TLN1: variants seen among roughly 807,000 people sequenced by gnomAD.
TLN1 encodes the protein talin-1.
In TLN1, 56 loss-of-function variants were observed where a neutral mutation model predicts 292.3. The ratio of observed to expected loss-of-function variants is 0.19; its 90% CI spans 0.15 to 0.24. The LOEUF is 0.24. Ranked by LOEUF, TLN1 falls within the 10% of genes least tolerant of loss-of-function variation. The probability of loss-of-function intolerance (pLI) is 1.00; values close to 1 mark genes in which losing one functional copy is unlikely to be tolerated. For missense variants in TLN1, 2,433 were observed against 3,248.2 expected, an observed-to-expected ratio of 0.75 and a Z score of 6.10; for synonymous variants, 1,119 against 1,253.7, an observed-to-expected ratio of 0.89 and a Z score of 2.27.
At chr9:35,713,806 A>G in intron 25 of TLN1, 147 bp downstream of exon 25, 1 of 824,088 alleles carries the variant, frequency 1.2e-6, no homozygotes, top group Admixed American at 3.2e-5. Flanking sequence ...GAAAGAAAAA[A>G]GGAAGGAAGA....
Position 35,699,369 on chromosome 9 carries a change from A to G in TLN1, c.6861T>C (p.Ala2287=), listed in dbSNP as rs1825424466. 2 of 1,612,876 alleles carry G rather than the reference A, an allele frequency of 1.2e-6. No individual in the cohort carries two copies. Among genetic ancestry groups the G allele is most frequent in the Non-Finnish European group, 1.7e-6 (2 of 1,179,342 alleles). Residue 2287 remains alanine, a synonymous_variant, in exon 51 of 57, where the codon GCT becomes GCC. Transcript: ENST00000314888. The surrounding 1 kb of genome is among the most constrained non-coding windows in gnomAD (Gnocchi z 4.0). ...AGSVTELIQA[A]EAMKGTEWVD... ...GTCACCCCTCACCCTTCATGGCTTC[A>G]GCAGCCTGGATGAGCTCAGTGACGG...
At position 35,719,953 on chromosome 9, in the gene TLN1, C is replaced by G; in HGVS notation, c.1464+86G>C. ...CTAGGGAGAGAATACAAATAGGGAC[C>G]TGGGAAAAGACTGCCTAACTCCTGG... is the stretch of plus-strand genomic sequence containing the variant. On this transcript the variant is annotated intron_variant, in intron 13 of 56. Transcript: ENST00000314888. The surrounding 1 kb of genome is among the most constrained non-coding windows in gnomAD (Gnocchi z 4.6). 1 of 1,589,548 alleles carries G rather than the reference C, an allele frequency of 6.3e-7. No homozygotes were observed. Among genetic ancestry groups the G allele is most frequent in the South Asian group, 1.1e-5 (1 of 88,930 alleles).
In TLN1 at chr9:35,719,392, C is replaced by G. The variant is rs578084213; in HGVS notation, c.1688-110G>C. 3 of 1,344,652 alleles carry G rather than the reference C, an allele frequency of 2.2e-6. No individual in the cohort carries two copies. The African/African-American group carries it at 4.3e-5, about 19-fold the overall frequency. The allele number at this position is 1,344,652 out of a possible 1,614,324, so 83.3% of individuals were successfully genotyped here. ...AGTCACACACATGTCCACAGAAAGA[C>G]GCACACACACAGTCCCTTCCACAGT... On this transcript the variant is annotated intron_variant, in intron 15 of 56. Coordinates refer to ENST00000314888, the MANE Select transcript of TLN1 (RefSeq NM_006289.4). This position sits in a 1 kb window ranked among gnomAD's most constrained non-coding sequence, Gnocchi z 4.6.
At chr9:35,713,826 A>C in intron 25 of TLN1, 127 bp downstream of exon 25, 1 of 1,016,266 alleles carries the variant, frequency 9.8e-7, no homozygotes, top group Non-Finnish European at 1.4e-6. Flanking sequence ...AAGAAAGAAA[A>C]GAAAAATAAA....
Position 35,712,938 on chromosome 9 carries a change from T to A in TLN1, c.3458A>T (p.Asp1153Val), listed in dbSNP as rs776984443. The A allele has an allele frequency of 1.1e-5, 18 of 1,609,944 alleles. No individual in the cohort carries two copies. In the East Asian group the frequency reaches 3.8e-4, roughly 34 times the overall value. ...CTTGTCCAGCACATCACTGGCCGTA[T>A]CAAGTACAATGGCCTGCACTGCAGG... ...SDPAVQAIVL[D>V]TASDVLDKAS... Residue 1153 changes from aspartate (D) to valine (V), a missense_variant, in exon 27 of 57, where the codon GAT becomes GTT. Physicochemically the swap from Asp to Val is radical, Grantham distance 152. Coordinates refer to ENST00000314888, the MANE Select transcript of TLN1 (RefSeq NM_006289.4).
At chr9:35,723,154 T>A (rs534204134) in intron 7 of TLN1, 3 of 383,340 alleles carry the variant, frequency 7.8e-6, no homozygotes, top group East Asian at 5.8e-5. Flanking sequence ...CAGGCTGGAG[T>A]GCAATGGCAC....
chr9:35,700,411 T>C (rs1825444811), intron 48 of TLN1, 35 bp from the exon 49 acceptor site: 4 of 1,579,222 alleles, frequency 2.5e-6, no homozygotes, highest in Non-Finnish European at 3.5e-6. Flanking sequence ...GATTTTACAG[T>C]GGCTGAGACT....
rs201035238 is a variant in TLN1, at chr9:35,717,342, G to T, written c.2262C>A (p.Ser754=). Residue 754 remains serine, a synonymous_variant, in exon 19 of 57, where the codon TCC becomes TCA. Transcript: ENST00000314888. The surrounding 1 kb of genome is among the most constrained non-coding windows in gnomAD (Gnocchi z 4.7). ...GTTGCCCATCCTCTGTAGCTGCCTG[G>T]GAGGCAGACACACAGCCCTCCACGG... is the stretch of plus-strand genomic sequence containing the variant. The part of the protein sequence containing the change: ...AKAVEGCVSA[S]QAATEDGQLL... 1 of 1,614,134 alleles carries T rather than the reference G, an allele frequency of 6.2e-7. No homozygotes were observed. Among genetic ancestry groups the T allele is most frequent in the South Asian group, 1.1e-5 (1 of 91,088 alleles).
intron 7 of TLN1, 24 bp from the exon 8 acceptor site, chr9:35,722,945 G>GC: frequency 6.2e-7 from 1 of 1,612,076 alleles, no homozygotes; most frequent in Non-Finnish European, 8.5e-7. Flanking sequence ...GGGAGGGTCA[G>GC]CATGTGGTAG....
intron 26 of TLN1, 60 bp from the exon 27 acceptor site, chr9:35,713,103 A>T (rs1046495597): frequency 6.4e-7 from 1 of 1,572,048 alleles, no homozygotes; most frequent in Non-Finnish European, 8.7e-7. Context: ...CCCTGATTCC[A>T]GTGGTTTCGT....
rs772184946 is a variant in TLN1 at position 35,704,304 on chromosome 9, C to T, written c.6047+28G>A. ...CCAGCCCCGTGCCCCGACCTGTCTG[C>T]CTCCCTTAGGCCCAGTTCCTGTCTT... On this transcript the variant is annotated intron_variant, in intron 45 of 56. Transcript: ENST00000314888. The surrounding 1 kb of genome is among the most constrained non-coding windows in gnomAD (Gnocchi z 6.9). 14 of 1,605,742 alleles carry T rather than the reference C, an allele frequency of 8.7e-6. No homozygotes were observed. Among genetic ancestry groups the T allele is most frequent in the Admixed American group, 1.7e-5 (1 of 59,498 alleles).
In TLN1 at chr9:35,705,738, G is replaced by T; in HGVS notation, c.5613+12C>A. 6.2e-7 allele frequency: 1 copy of T among 1,614,180 alleles called. No homozygotes were observed. Among genetic ancestry groups the T allele is most frequent in the African/African-American group, 1.3e-5 (1 of 75,058 alleles). On this transcript the variant is annotated intron_variant, in intron 42 of 56. Transcript: ENST00000314888. Reference sequence around the variant, plus strand: ...CTCCGAGGGCAGTCCTCTGGGACTCGCCCAAACTCACCATCTCCTGAACGG... The same window carrying T: ...CTCCGAGGGCAGTCCTCTGGGACTCTCCCAAACTCACCATCTCCTGAACGG...
At position 35,697,631 on chromosome 9, in the gene TLN1, G is replaced by A; in HGVS notation, c.*160C>T. 1 of 1,068,738 alleles carries A rather than the reference G, an allele frequency of 9.4e-7. No homozygotes were observed. The highest frequency in any genetic ancestry group is 1.6e-5 in the South Asian group (1 of 64,236). The allele number at this position is 1,068,738 out of a possible 1,614,324, so 66.2% of individuals were successfully genotyped here. On this transcript the variant is annotated 3_prime_UTR_variant, in exon 57 of 57. Transcript: ENST00000314888. ...GGCACTTGGGGTTGGGGAGGGGACA[G>A]GGGATGTACTGCGGGACTGGGCGGG... is the stretch of plus-strand genomic sequence containing the variant.
At chr9:35,708,235 G>C in intron 34 of TLN1, 106 bp downstream of exon 34, 1 of 1,400,254 alleles carries the variant, frequency 7.1e-7, no homozygotes, top group South Asian at 1.5e-5. Flanking sequence ...TGCAAGGTCA[G>C]AGATGGGTCC....
In TLN1 at chr9:35,706,839, G is replaced by A. The variant is rs762882126; in HGVS notation, c.5017C>T (p.Arg1673Trp). 3.1e-6 allele frequency: 5 copies of A among 1,614,044 alleles called. No individual in the cohort carries two copies. Among genetic ancestry groups the A allele is most frequent in the Non-Finnish European group, 4.2e-6 (5 of 1,180,036 alleles). ...GCGAGGGAAGCCTGGTCTAGGTCCC[G>A]TAGACAACTGTTCAGAGCTGCAATG... ...TAIAALNSCL[R>W]DLDQASLAAV... is the part of the protein sequence containing the mutation. Residue 1673 changes from arginine to tryptophan, a missense_variant, in exon 38 of 57, where the codon CGG becomes TGG. Physicochemically the swap from Arg to Trp is moderately radical, Grantham distance 101 (BLOSUM62 -3). Around this residue, in one of 7 missense-constraint regions of TLN1, gnomAD observed 1,384 missense variants for 1,699.6 expected, o/e 0.81. Coordinates refer to ENST00000314888, the MANE Select transcript of TLN1 (RefSeq NM_006289.4). This position sits in a 1 kb window ranked among gnomAD's most constrained non-coding sequence, Gnocchi z 4.2.
chr9:35,699,657 C>T lies in TLN1; in HGVS notation c.6769-196G>A. On this transcript the variant is annotated intron_variant, in intron 50 of 56. Coordinates refer to ENST00000314888, the MANE Select transcript of TLN1 (RefSeq NM_006289.4). The surrounding 1 kb of genome is among the most constrained non-coding windows in gnomAD (Gnocchi z 4.0). ...CGTGATAGAGACAGTGGGGCTGTGT[C>T]ACTCACCGGCTGACAAGGAGCAAGG... 1.0e-6 allele frequency: 1 copy of T among 985,346 alleles called. No individual in the cohort carries two copies. The highest frequency in any genetic ancestry group is 1.7e-5 in the African/African-American group (1 of 57,300). 61.0% of individuals were successfully genotyped at this position (985,346 alleles called of 1,614,324 possible). A position where few individuals can be genotyped will look rare whatever the true frequency, so the allele number is the denominator to read the frequency against.
chr9:35,707,712 G>C lies in TLN1; in HGVS notation c.4632+19C>G, dbSNP rs774678780. On this transcript the variant is annotated intron_variant, in intron 35 of 56. Transcript: ENST00000314888. The surrounding 1 kb of genome is among the most constrained non-coding windows in gnomAD (Gnocchi z 5.6). ...ATAGGACAGGTCAGGGAGAGGCTGG[G>C]AATTCAAGCAATGGGAACCTTGATG... The C allele has an allele frequency of 2.4e-5, 39 of 1,613,940 alleles. No individual in the cohort carries two copies. The Admixed American group carries it at 6.3e-4, about 26-fold the overall frequency.
chr9:35,709,886 C>CAAA lies in TLN1; in HGVS notation c.4326+672_4326+674dup, dbSNP rs546437173. ...TGGGCGACAGAGCGAAACTCGGTCTCAAAAAAAAAAAAAAAAAAAAAAAAA... is the reference window on the plus strand; with the variant it reads ...TGGGCGACAGAGCGAAACTCGGTCTCAAAAAAAAAAAAAAAAAAAAAAAAAAAA... On this transcript the variant is annotated intron_variant, in intron 33 of 56. Coordinates refer to ENST00000314888, the MANE Select transcript of TLN1 (RefSeq NM_006289.4). Among the ~76,000 whole-genome samples the CAAA allele has an allele frequency of 7.7e-3, 99 of 12,864 alleles. 10 individuals are homozygous for CAAA. The highest frequency in any genetic ancestry group is 0.026 in the African/African-American group (82 of 3,188). 8.4% of individuals were successfully genotyped at this position (12,864 alleles called of 152,430 possible).
chr9:35,709,874 G>A lies in TLN1; in HGVS notation c.4326+687C>T, dbSNP rs191692718. Among the ~76,000 whole-genome samples the A allele has an allele frequency of 5.2e-3, 508 of 97,044 alleles. 1 individual carries two copies. The highest frequency in any genetic ancestry group is 0.012 in the Middle Eastern group (1 of 86). The allele number at this position is 97,044 out of a possible 152,430, so 63.7% of individuals were successfully genotyped here. A position where few individuals can be genotyped will look rare whatever the true frequency, so the allele number is the denominator to read the frequency against. ...TGCACTCCAGCCTGGGCGACAGAGC[G>A]AAACTCGGTCTCAAAAAAAAAAAAA... On this transcript the variant is annotated intron_variant, in intron 33 of 56. Transcript: ENST00000314888.
Sources: allele counts gnomAD v4.1 joint callset (sites outside exome capture counted in the v4.1 genomes callset), GRCh38; gene constraint gnomAD v4.1.1; regional missense constraint gnomAD v4.1.1; non-coding constraint Gnocchi (gnomAD v3.1); transcripts MANE v1.5; gene names NCBI Gene and HGNC (gene_info 2026-07-23, HGNC 2026-07-21).